The following LTBP1 variants were observed in gnomAD, a reference collection of about 807,000 sequenced individuals.
LTBP1 encodes latent-transforming growth factor beta-binding protein 1.
Under a neutral mutation model 207.6 loss-of-function variants are expected in LTBP1, and 129 were observed. That is an observed-to-expected ratio of 0.62 (90% confidence interval 0.54 to 0.72). The LOEUF (loss-of-function observed/expected upper bound fraction) is 0.72. Ranked by LOEUF, LTBP1 falls within the 30% of genes least tolerant of loss-of-function variation. The probability of loss-of-function intolerance (pLI) is 0.00; values close to 1 mark genes in which losing one functional copy is unlikely to be tolerated. For synonymous variants in LTBP1, 963 were observed against 833.7 expected, an observed-to-expected ratio of 1.16 and a Z score of -2.67; for missense variants, 2,281 against 2,217.2, an observed-to-expected ratio of 1.03 and a Z score of -0.58.
chr2:33,087,345 G>C lies in LTBP1; in HGVS notation c.864-23237G>C, dbSNP rs191285108. Among the ~76,000 whole-genome samples the C allele has an allele frequency of 3.2e-4, 49 of 152,184 alleles. No homozygotes were observed. The South Asian group carries it at 6.5e-3, about 20-fold the overall frequency. On this transcript the variant is annotated intron_variant, in intron 3 of 33. Coordinates refer to ENST00000404816, the MANE Select transcript of LTBP1 (RefSeq NM_206943.4). ...CACCTCCCAAAGTGTTGGGATTACA[G>C]GCATGAGTCACTGCACCTAGCCTCA...
rs1269389828 is a variant in LTBP1 at position 33,293,276 on chromosome 2, T to C, written c.3229T>C (p.Cys1077Arg). ...TACCCGGACTCCGGACCACAAGCAC[T>C]GTAGAGGTAAATACTGTGATCAAGT... is the stretch of plus-strand genomic sequence containing the variant. ...GYTRTPDHKH[C>R]RDIDECQQGN... is the part of the protein sequence containing the mutation. Residue 1077 changes from cysteine (C) to arginine (R), a missense_variant, in exon 20 of 34, where the codon TGT (cysteine) becomes CGT (arginine). Around this residue, in one of 3 missense-constraint regions of LTBP1, gnomAD observed 1,671 missense variants for 1,634.8 expected, o/e 1.02. Transcript: ENST00000404816. 1 of 1,610,090 alleles carries C rather than the reference T, an allele frequency of 6.2e-7. No individual in the cohort carries two copies. The highest frequency in any genetic ancestry group is 8.5e-7 in the Non-Finnish European group (1 of 1,179,146).
intron 4 of LTBP1, among the ~76,000 whole-genome samples, chr2:33,125,444 T>G (rs2081372718): frequency 6.6e-6 from 1 of 152,164 alleles, no homozygotes; most frequent in South Asian, 2.1e-4. Context: ...TAATTTCTGT[T>G]GTTCTCAGAA....
intron 31 of LTBP1, among the ~76,000 whole-genome samples, chr2:33,384,577 G>T (rs1015168333): frequency 7.9e-5 from 12 of 152,220 alleles, no homozygotes; most frequent in Non-Finnish European, 1.5e-4. Flanking sequence ...CCCAGACAAG[G>T]AGGTGACTAT....
At chr2:33,188,475 C>T (rs2087460432) in intron 6 of LTBP1, 102 bp from the exon 7 acceptor site, 1 of 670,996 alleles carries the variant, frequency 1.5e-6, no homozygotes, top group South Asian at 2.0e-5. Flanking sequence ...CAAAATGCTA[C>T]ACATGCATGC....
chr2:33,202,963 T>C (rs2149127581), intron 7 of LTBP1, among the ~76,000 whole-genome samples: 1 of 152,372 alleles, frequency 6.6e-6, no homozygotes, highest in Non-Finnish European at 1.5e-5. Context: ...TGAGGTGGAA[T>C]AAGTCATTAA....
chr2:33,068,487 T>C lies in LTBP1; in HGVS notation c.864-42095T>C, dbSNP rs142221611. On this transcript the variant is annotated intron_variant, in intron 3 of 33. Transcript: ENST00000404816. ...CATAGTTTATATTGCTGACTCTTGATGTTGTACATTCTGTGGGTTTGGAAA... is the reference window on the plus strand; with the variant it reads ...CATAGTTTATATTGCTGACTCTTGACGTTGTACATTCTGTGGGTTTGGAAA... 3.5e-3 allele frequency among the ~76,000 whole-genome samples: 529 copies of C among 152,288 alleles called. 3 individuals carry two copies. Among genetic ancestry groups the C allele is most frequent in the African/African-American group, 0.012 (481 of 41,546 alleles).
chr2:33,102,319 A>G (rs1197294939), intron 3 of LTBP1, among the ~76,000 whole-genome samples: 1 of 152,178 alleles, frequency 6.6e-6, no homozygotes, highest in Non-Finnish European at 1.5e-5. Flanking sequence ...ACTTAGTGTC[A>G]TCCCTGGCTT....
At chr2:33,395,465 C>G (rs2095350412) in intron 32 of LTBP1, among the ~76,000 whole-genome samples, 1 of 152,138 alleles carries the variant, frequency 6.6e-6, no homozygotes, top group Non-Finnish European at 1.5e-5. Context: ...TGTTCTTACC[C>G]AAACAGATAA....
intron 32 of LTBP1, among the ~76,000 whole-genome samples, chr2:33,394,234 A>G (rs1185155958): frequency 6.6e-6 from 1 of 151,990 alleles, no homozygotes; most frequent in African/African-American, 2.4e-5. Context: ...ATTTTCTCCC[A>G]TTCTGTAGGT....
intron 3 of LTBP1, among the ~76,000 whole-genome samples, chr2:33,043,400 T>C (rs1225344143): frequency 6.6e-6 from 1 of 152,156 alleles, no homozygotes; most frequent in Non-Finnish European, 1.5e-5. Flanking sequence ...TCGTATATTA[T>C]TGTGTTTAAT....
chr2:33,297,412 T>TTTA (rs924726686), intron 20 of LTBP1, among the ~76,000 whole-genome samples: 4 of 144,924 alleles, frequency 2.8e-5, no homozygotes, highest in African/African-American at 1.0e-4. Flanking sequence ...TATTTATTTA[T>TTTA]TTATTTATTT....
chr2:33,255,196 C>T lies in LTBP1; in HGVS notation c.2168-2088C>T, dbSNP rs571633704. Among the ~76,000 whole-genome samples the T allele has an allele frequency of 7.4e-3, 1,096 of 148,084 alleles. 8 individuals carry two copies. The highest frequency in any genetic ancestry group is 0.024 in the African/African-American group (971 of 39,912). ...TGTGGTGTTTGGTTTTTTGTTCTTGCGATAGTTTACTGAGAATGATGGTTT... is the reference window on the plus strand; with the variant it reads ...TGTGGTGTTTGGTTTTTTGTTCTTGTGATAGTTTACTGAGAATGATGGTTT... On this transcript the variant is annotated intron_variant, in intron 11 of 33. Coordinates refer to ENST00000404816, the MANE Select transcript of LTBP1 (RefSeq NM_206943.4).
chr2:33,026,708 T>A (rs1206823345), intron 3 of LTBP1, among the ~76,000 whole-genome samples: 1 of 152,206 alleles, frequency 6.6e-6, no homozygotes, highest in Non-Finnish European at 1.5e-5. Context: ...TCATGACACC[T>A]GGGGAATGGG....
Position 32,947,323 on chromosome 2 carries a change from C to G in LTBP1, c.-2C>G, listed in dbSNP as rs1676320309. 1.6e-6 allele frequency: 2 copies of G among 1,235,358 alleles called. No individual in the cohort carries two copies. The highest frequency in any genetic ancestry group is 1.0e-6 in the Non-Finnish European group (1 of 989,304). 76.5% of individuals were successfully genotyped at this position (1,235,358 alleles called of 1,614,324 possible). ...GACCGGTCGCGCCCGCTGGGGCCCG[C>G]GATGGCGGGGGCCTGGCTCAGGTGG... On this transcript the variant is annotated 5_prime_UTR_variant, in exon 1 of 34. Coordinates refer to ENST00000404816, the MANE Select transcript of LTBP1 (RefSeq NM_206943.4).
chr2:33,166,788 T>C (rs998241936), intron 5 of LTBP1, among the ~76,000 whole-genome samples: 3 of 152,236 alleles, frequency 2.0e-5, no homozygotes, highest in Non-Finnish European at 4.4e-5. Flanking sequence ...TTAAGTTAAA[T>C]GGAAGGAGAC....
chr2:33,292,106 T>C (rs1027306654), intron 19 of LTBP1, among the ~76,000 whole-genome samples: 1 of 152,194 alleles, frequency 6.6e-6, no homozygotes, highest in Non-Finnish European at 1.5e-5. Context: ...CTCACTAGTG[T>C]CTGTCACTGT....
intron 3 of LTBP1, among the ~76,000 whole-genome samples, chr2:33,043,342 C>A (rs923491602): frequency 6.6e-6 from 1 of 151,774 alleles, no homozygotes; most frequent in Non-Finnish European, 1.5e-5. Context: ...ATTAAAAGAA[C>A]CACCTCAGAT....
At chr2:33,143,323 C>A (rs186686989) in intron 5 of LTBP1, among the ~76,000 whole-genome samples, 9 of 152,306 alleles carry the variant, frequency 5.9e-5, no homozygotes, top group Admixed American at 5.9e-4. Flanking sequence ...CATCTTGGCA[C>A]CTCCAGTGCC....
chr2:33,037,822 A>G (rs544754313), intron 3 of LTBP1, among the ~76,000 whole-genome samples: 2 of 152,198 alleles, frequency 1.3e-5, no homozygotes, highest in African/African-American at 2.4e-5. Context: ...GGCTTAAGCA[A>G]TTCTCCCACC....
Sources: gnomAD v4.1 joint callset for allele counts (sites outside exome capture counted in the v4.1 genomes callset) on GRCh38, gnomAD v4.1.1 for gene constraint, gnomAD v4.1.1 regional missense constraint, MANE v1.5 for transcripts, NCBI Gene and HGNC (gene_info 2026-07-23, HGNC 2026-07-21) for gene names.